The following CD1A variants were observed in gnomAD, a reference collection of about 807,000 sequenced individuals.
CD1A encodes CD1a molecule.
Under a neutral mutation model 38.3 loss-of-function variants are expected in CD1A, and 50 were observed. That is an observed-to-expected ratio of 1.30 (90% CI 1.04 to 1.65). The LOEUF is 1.65. Ranked by LOEUF, CD1A falls within the 40% of genes most tolerant of loss-of-function variation. CD1A has a pLI of 0.00. For synonymous variants in CD1A, 160 were observed against 150.8 expected, an observed-to-expected ratio of 1.06 and a Z score of -0.45; for missense variants, 459 against 406.1, an observed-to-expected ratio of 1.13 and a Z score of -1.12.
the CD1A span, chr1:158,248,338 A>G: frequency 2.0e-6 from 2 of 979,838 alleles, no homozygotes; most frequent in Non-Finnish European, 2.4e-6. Flanking sequence ...GAGCTTTCAT[A>G]TCTGGGTTCT....
In CD1A at chr1:158,254,868, C is replaced by T. The variant is rs1650192510; in HGVS notation, c.58+141C>T. On this transcript the variant is annotated intron_variant, in intron 1 of 5. Coordinates refer to ENST00000289429, the MANE Select transcript of CD1A (RefSeq NM_001763.3). ...GCATATACCTGGAAAGTGAGAGTGC[C>T]AGGCTGGTTCCATTCTGACTATCCA... The T allele has an allele frequency of 3.3e-6, 3 of 901,730 alleles. No individual in the cohort carries two copies. The African/African-American group carries it at 4.9e-5, about 15-fold the overall frequency. 55.9% of individuals were successfully genotyped at this position (901,730 alleles called of 1,614,324 possible).
chr1:158,257,659 T>C (rs1650306883), intron 5 of CD1A, 22 bp from the exon 6 acceptor site: 1 of 1,613,432 alleles, frequency 6.2e-7, no homozygotes, highest in Non-Finnish European at 8.5e-7. Context: ...TCAGAGTGAC[T>C]TCTATCTCTG....
chr1:158,255,916 A>T (rs1650242020), intron 2 of CD1A, 88 bp from the exon 3 acceptor site: 13 of 1,198,518 alleles, frequency 1.1e-5, no homozygotes, highest in East Asian at 2.4e-5. Context: ...AACCCTGCAC[A>T]CTTCCCCCTT....
rs1650251226 is a variant in CD1A at position 158,256,185 on chromosome 1, G to C, written c.507G>C (p.Gln169His). The change falls in exon 3 of 6, where the codon CAG (glutamine) becomes CAC (histidine). Residue 169 changes from glutamine (Q) to histidine (H), a missense_variant. Gln to His is a conservative substitution (Grantham distance 24). Coordinates refer to ENST00000289429, the MANE Select transcript of CD1A (RefSeq NM_001763.3). ...KHFCKVLNQNQHENDITHNLL... is the reference protein window; with the variant it reads ...KHFCKVLNQNHHENDITHNLL... ...TCTGCAAAGTGCTCAATCAGAATCA[G>C]CATGAAAATGACATAACACACAATC... 6.2e-7 allele frequency: 1 copy of C among 1,614,178 alleles called. No individual in the cohort carries two copies. Among genetic ancestry groups the C allele is most frequent in the Non-Finnish European group, 8.5e-7 (1 of 1,180,028 alleles).
Position 158,256,988 on chromosome 1 carries a change from C to A in CD1A, c.807C>A (p.Ala269=), listed in dbSNP as rs745499344. Reference sequence around the variant, plus strand: ...ATCTCCGCGCAACCCTGGAGGTGGCCGCTGGGGAGGCAGCTGACCTGTCCT... The same window carrying A: ...ATCTCCGCGCAACCCTGGAGGTGGCAGCTGGGGAGGCAGCTGACCTGTCCT... ...TWYLRATLEV[A]AGEAADLSCR... is the part of the protein sequence containing the mutation. Residue 269 remains alanine, a synonymous_variant, in exon 4 of 6, where the codon GCC becomes GCA. Transcript: ENST00000289429. 1.2e-6 allele frequency: 2 copies of A among 1,614,112 alleles called. No homozygotes were observed. The highest frequency in any genetic ancestry group is 8.5e-7 in the Non-Finnish European group (1 of 1,180,026).
upstream of CD1A, among the ~76,000 whole-genome samples, chr1:158,252,367 C>A (rs983678304): frequency 1.3e-5 from 2 of 152,258 alleles, no homozygotes; most frequent in East Asian, 3.9e-4. Context: ...TATACTCATG[C>A]TAGCCTTTAC....
intron 3 of CD1A, 91 bp downstream of exon 3, chr1:158,256,373 C>A (rs192322227): frequency 2.3e-6 from 3 of 1,307,712 alleles, no homozygotes; most frequent in East Asian, 2.3e-5. Context: ...GAAGAGCCAC[C>A]CAGAAGTGGG....
At position 158,256,195 on chromosome 1, in the gene CD1A, G is replaced by GA; in HGVS notation, c.518dup (p.Asp173GlufsTer9). The stretch of plus-strand genomic sequence containing the variant: ...GCTCAATCAGAATCAGCATGAAAAT[G>GA]ACATAACACACAATCTTCTCAGTGA... On this transcript the variant is annotated frameshift_variant, in exon 3 of 6. Coordinates refer to ENST00000289429, the MANE Select transcript of CD1A (RefSeq NM_001763.3). LOFTEE classifies it high-confidence loss of function. 1.2e-6 allele frequency: 2 copies of GA among 1,614,156 alleles called. No individual in the cohort carries two copies. Among genetic ancestry groups the GA allele is most frequent in the Non-Finnish European group, 1.7e-6 (2 of 1,180,020 alleles).
At chr1:158,255,665 A>G (rs1650235104) in intron 2 of CD1A, among the ~76,000 whole-genome samples, 1 of 151,986 alleles carries the variant, frequency 6.6e-6, no homozygotes, top group South Asian at 2.1e-4. Flanking sequence ...TTTCTCATTC[A>G]TTCTCTTCAG....
chr1:158,256,224 C>A lies in CD1A; in HGVS notation c.546C>A (p.Thr182=), dbSNP rs1362171508. 6.2e-7 allele frequency: 1 copy of A among 1,614,022 alleles called. No individual in the cohort carries two copies. Among genetic ancestry groups the A allele is most frequent in the East Asian group, 2.2e-5 (1 of 44,896 alleles). The change falls in exon 3 of 6, where the codon ACC becomes ACA. Residue 182 remains threonine, a synonymous_variant. Transcript: ENST00000289429. The stretch of plus-strand genomic sequence containing the variant: ...TAACACACAATCTTCTCAGTGACAC[C>A]TGCCCACGTTTCATCTTGGGTCTTC... ...NDITHNLLSD[T]CPRFILGLLD... is the part of the protein sequence containing the mutation.
At chr1:158,250,235 G>GC (rs1650048948), upstream of CD1A, among the ~76,000 whole-genome samples, 1 of 152,226 alleles carries the variant, frequency 6.6e-6, no homozygotes, top group Non-Finnish European at 1.5e-5. Flanking sequence ...ATTGCCTGTG[G>GC]CCCCAGACAT....
In CD1A at chr1:158,255,182, C is replaced by T; in HGVS notation, c.157C>T (p.Gln53Ter). Reference sequence around the variant, plus strand: ...GGTCTCAGGTTGGCTGAGTGATTTGCAGACTCATACCTGGGACAGCAATTC... The same window carrying T: ...GGTCTCAGGTTGGCTGAGTGATTTGTAGACTCATACCTGGGACAGCAATTC... ...NLVSGWLSDL[Q>*]THTWDSNSST... is the part of the protein sequence containing the mutation. The change falls in exon 2 of 6, where the codon CAG becomes TAG. Residue 53 changes from glutamine (Q) to a stop codon, truncating the protein, a stop_gained. Coordinates refer to ENST00000289429, the MANE Select transcript of CD1A (RefSeq NM_001763.3). LOFTEE classifies it high-confidence loss of function. 1 of 1,614,152 alleles carries T rather than the reference C, an allele frequency of 6.2e-7. No individual in the cohort carries two copies. Among genetic ancestry groups the T allele is most frequent in the Non-Finnish European group, 8.5e-7 (1 of 1,180,034 alleles).
At position 158,257,013 on chromosome 1, in the gene CD1A, T is replaced by C; in HGVS notation, c.832T>C (p.Cys278Arg). 1 of 1,614,118 alleles carries C rather than the reference T, an allele frequency of 6.2e-7. No homozygotes were observed. The highest frequency in any genetic ancestry group is 8.5e-7 in the Non-Finnish European group (1 of 1,179,988). The change falls in exon 4 of 6, where the codon TGT becomes CGT. Residue 278 changes from cysteine (C) to arginine (R), a missense_variant. Coordinates refer to ENST00000289429, the MANE Select transcript of CD1A (RefSeq NM_001763.3). ...CGCTGGGGAGGCAGCTGACCTGTCC[T>C]GTCGGGTGAAGCACAGCAGTCTAGA... ...VAAGEAADLS[C>R]RVKHSSLEGQ... is the part of the protein sequence containing the mutation.
At chr1:158,256,675 C>CAA (rs34315183) in intron 3 of CD1A, 111 bp from the exon 4 acceptor site, 1,061 of 1,105,988 alleles carry the variant, frequency 9.6e-4, no homozygotes, top group Non-Finnish European at 1.2e-3. Context: ...GACCCTGTCT[C>CAA]AAAAAAAAAA....
the CD1A span, chr1:158,248,535 G>A: frequency 5.1e-6 from 2 of 394,460 alleles, no homozygotes; most frequent in Non-Finnish European, 6.9e-6. Flanking sequence ...GGATAGCTGG[G>A]ACACCTGTCT....
At chr1:158,255,967 T>G in intron 2 of CD1A, 37 bp from the exon 3 acceptor site, 1 of 1,577,728 alleles carries the variant, frequency 6.3e-7, no homozygotes, top group East Asian at 2.2e-5. Context: ...TCATTTTATA[T>G]TTTTTTCTCC....
At position 158,255,263 on chromosome 1, in the gene CD1A, T is replaced by A. The variant is rs750898544; in HGVS notation, c.238T>A (p.Trp80Arg). 1.2e-6 allele frequency: 2 copies of A among 1,613,934 alleles called. No individual in the cohort carries two copies. The highest frequency in any genetic ancestry group is 3.3e-5 in the Admixed American group (2 of 59,992). ...WSRGNFSNEE[W>R]KELETLFRIR... ...CAGGGGAAACTTCAGCAATGAGGAG[T>A]GGAAGGAACTGGAAACATTATTCCG... is the stretch of plus-strand genomic sequence containing the variant. The change falls in exon 2 of 6, where the codon TGG becomes AGG. Residue 80 changes from tryptophan to arginine, a missense_variant. Coordinates refer to ENST00000289429, the MANE Select transcript of CD1A (RefSeq NM_001763.3).
chr1:158,248,426 A>G, the CD1A span: 7 of 985,164 alleles, frequency 7.1e-6, no homozygotes, highest in East Asian at 3.4e-4. Flanking sequence ...GTGCTGCTAC[A>G]GTGAACAGGA....
chr1:158,255,533 T>G (rs994386652), intron 2 of CD1A, among the ~76,000 whole-genome samples, 183 bp downstream of exon 2: 3 of 152,206 alleles, frequency 2.0e-5, no homozygotes, highest in Admixed American at 1.3e-4. Flanking sequence ...CTCCAAACAC[T>G]TCTGCTACTT....
Sources: gnomAD v4.1 joint callset for allele counts (sites outside exome capture counted in the v4.1 genomes callset) on GRCh38, gnomAD v4.1.1 for gene constraint, MANE v1.5 for transcripts, NCBI Gene and HGNC (gene_info 2026-07-23, HGNC 2026-07-21) for gene names.